TBC1D5: variants seen among roughly 807,000 people sequenced by gnomAD.
TBC1D5 encodes the protein TBC1 domain family, member 5.
A neutral mutation model predicts 100.3 loss-of-function variants in TBC1D5; 75 were observed. The observed-to-expected ratio is 0.75, with a 90% CI of 0.62 to 0.91. The LOEUF is 0.91. TBC1D5 is among the 40% of genes least tolerant of loss of function. The pLI, the probability that TBC1D5 is intolerant of heterozygous loss-of-function variation, is 0.00. For missense variants in TBC1D5, 910 were observed against 942.4 expected, an observed-to-expected ratio of 0.97 and a Z score of 0.45; for synonymous variants, 323 against 325.6, an observed-to-expected ratio of 0.99 and a Z score of 0.09.
intron 2 of TBC1D5, among the ~76,000 whole-genome samples, chr3:17,515,858 A>G (rs558156540): frequency 6.6e-6 from 1 of 152,332 alleles, no homozygotes; most frequent in Admixed American, 6.5e-5. Context: ...TAATTCACAT[A>G]TTCCTCAGCA....
At chr3:17,696,687 T>G (rs1237300321) in intron 1 of TBC1D5, among the ~76,000 whole-genome samples, 1 of 152,162 alleles carries the variant, frequency 6.6e-6, no homozygotes, top group Non-Finnish European at 1.5e-5. Context: ...AAAGAGGAGC[T>G]GGTACCATTC....
chr3:17,307,967 T>TA (rs1559599341), intron 14 of TBC1D5, 25 bp downstream of exon 14: 3 of 1,587,654 alleles, frequency 1.9e-6, no homozygotes, highest in African/African-American at 1.4e-5. Flanking sequence ...CCTAGTCAAA[T>TA]GTAGGAAAGG....
At chr3:17,552,031 G>T (rs1340211326) in intron 2 of TBC1D5, among the ~76,000 whole-genome samples, 1 of 152,004 alleles carries the variant, frequency 6.6e-6, no homozygotes, top group East Asian at 1.9e-4. Flanking sequence ...AATGGCATGG[G>T]AAACCTTGTT....
intron 3 of TBC1D5, among the ~76,000 whole-genome samples, chr3:17,462,321 A>ATTTTTTTTTTTTTT (rs1188024653): frequency 7.0e-6 from 1 of 143,028 alleles, no homozygotes; most frequent in Non-Finnish European, 1.5e-5. Flanking sequence ...TTCGGACCTT[A>ATTTTTTTTTTTTTT]ATTTTTTTTT....
intron 19 of TBC1D5, among the ~76,000 whole-genome samples, chr3:17,178,496 T>C (rs2068070400): frequency 6.6e-6 from 1 of 152,054 alleles, no homozygotes; most frequent in Non-Finnish European, 1.5e-5. Context: ...ATCTCTTCGA[T>C]ATACTGATTT....
chr3:17,324,009 G>A (rs1302829436), intron 13 of TBC1D5, among the ~76,000 whole-genome samples: 1 of 152,194 alleles, frequency 6.6e-6, no homozygotes, highest in Non-Finnish European at 1.5e-5. Context: ...AAAGTTTGGA[G>A]GTAGACAAAC....
At chr3:17,273,679 C>T (rs971935664) in intron 15 of TBC1D5, among the ~76,000 whole-genome samples, 2 of 151,870 alleles carry the variant, frequency 1.3e-5, no homozygotes, top group Admixed American at 6.6e-5. Context: ...TAATGGCAGG[C>T]GCCTGTAATC....
chr3:17,284,089 T>TACACACACAC (rs58307801), intron 15 of TBC1D5, among the ~76,000 whole-genome samples: 3,106 of 132,752 alleles, frequency 0.023, 83 homozygotes, highest in African/African-American at 0.058. Context: ...CTCATTATTT[T>TACACACACAC]ACACACACAC....
intron 1 of TBC1D5, among the ~76,000 whole-genome samples, chr3:17,661,116 G>A (rs1577299519): frequency 2.0e-5 from 3 of 152,002 alleles, no homozygotes; most frequent in African/African-American, 7.2e-5. Flanking sequence ...ATAACCCAAG[G>A]GTGGGTTAAT....
At chr3:17,566,205 A>T (rs890830638) in intron 2 of TBC1D5, among the ~76,000 whole-genome samples, 3 of 152,046 alleles carry the variant, frequency 2.0e-5, no homozygotes, top group African/African-American at 7.2e-5. Context: ...GAGTTCATGG[A>T]TTACACATCT....
At chr3:17,394,511 T>C (rs1446767064) in intron 8 of TBC1D5, among the ~76,000 whole-genome samples, 2 of 152,082 alleles carry the variant, frequency 1.3e-5, no homozygotes, top group African/African-American at 2.4e-5. Context: ...CATAAATGCT[T>C]ACAATGGGTG....
chr3:17,543,781 G>C (rs2096384014), intron 2 of TBC1D5, among the ~76,000 whole-genome samples: 1 of 152,122 alleles, frequency 6.6e-6, no homozygotes, highest in Non-Finnish European at 1.5e-5. Context: ...AGAATCACCT[G>C]GAGTTCTTAC....
chr3:17,272,354 T>C (rs1051593931), intron 15 of TBC1D5, among the ~76,000 whole-genome samples: 2 of 152,174 alleles, frequency 1.3e-5, no homozygotes, highest in African/African-American at 4.8e-5. Context: ...TAGACAAGGT[T>C]TAAGAAAGAA....
chr3:17,480,732 G>A (rs1489506214), intron 3 of TBC1D5, among the ~76,000 whole-genome samples: 1 of 152,108 alleles, frequency 6.6e-6, no homozygotes, highest in Non-Finnish European at 1.5e-5. Flanking sequence ...GCTACCCAGT[G>A]AGGGTCTCCT....
intron 17 of TBC1D5, among the ~76,000 whole-genome samples, chr3:17,223,430 A>G (rs1489221987): frequency 6.6e-6 from 1 of 152,214 alleles, no homozygotes; most frequent in Admixed American, 6.5e-5. Context: ...ATATTATTTC[A>G]TTTAATCCTA....
intron 14 of TBC1D5, among the ~76,000 whole-genome samples, chr3:17,298,366 CT>C (rs1263603878): frequency 6.6e-6 from 1 of 152,148 alleles, no homozygotes; most frequent in East Asian, 1.9e-4. Flanking sequence ...AAAATCTCAA[CT>C]TTCTCTCACA....
At chr3:17,681,128 C>A (rs1577429600) in intron 1 of TBC1D5, among the ~76,000 whole-genome samples, 1 of 151,550 alleles carries the variant, frequency 6.6e-6, no homozygotes, top group East Asian at 1.9e-4. Context: ...CATAGTATTA[C>A]TCTTAGAACT....
At chr3:17,653,031 G>A (rs1260264818) in intron 1 of TBC1D5, among the ~76,000 whole-genome samples, 1 of 152,152 alleles carries the variant, frequency 6.6e-6, no homozygotes, top group Admixed American at 6.5e-5. Flanking sequence ...ACACTGCTAA[G>A]TGAACGAAGA....
chr3:17,227,373 A>G (rs897799518), intron 17 of TBC1D5, among the ~76,000 whole-genome samples: 2 of 152,200 alleles, frequency 1.3e-5, no homozygotes, highest in Non-Finnish European at 2.9e-5. Flanking sequence ...TGATATCAAT[A>G]TCAAAGTAAA....
Sources: gnomAD v4.1 joint callset for allele counts (sites outside exome capture counted in the v4.1 genomes callset) on GRCh38, gnomAD v4.1.1 for gene constraint, MANE v1.5 for transcripts, NCBI Gene and HGNC (gene_info 2026-07-23, HGNC 2026-07-21) for gene names.